RANBP17: variants seen among roughly 807,000 people sequenced by gnomAD.
RANBP17 encodes the protein ran-binding protein 17.
In RANBP17, 158 loss-of-function variants were observed where a neutral mutation model predicts 141.2. The observed-to-expected ratio is 1.12, with a 90% confidence interval of 0.98 to 1.28. RANBP17 has a LOEUF of 1.28. RANBP17 is among the 50% of genes most tolerant of loss of function. The probability of loss-of-function intolerance (pLI) is 0.00; values close to 1 mark genes in which losing one functional copy is unlikely to be tolerated. For synonymous variants in RANBP17, 430 were observed against 450.0 expected, an observed-to-expected ratio of 0.96 and a Z score of 0.56; for missense variants, 1,438 against 1,290.7, an observed-to-expected ratio of 1.11 and a Z score of -1.75.
rs116543794 is a variant in RANBP17 at position 171,129,748 on chromosome 5, A to G, written c.1711-40382A>G. ...ATCTAAGAAATCACAGTCACACCTT[A>G]CCATGCATAGTTATCATACTGACTT... On this transcript the variant is annotated intron_variant, in intron 14 of 27. Coordinates refer to ENST00000523189, the MANE Select transcript of RANBP17 (RefSeq NM_022897.5). 3.7e-3 allele frequency among the ~76,000 whole-genome samples: 561 copies of G among 152,300 alleles called. 3 individuals are homozygous for G. Among genetic ancestry groups the G allele is most frequent in the Non-Finnish European group, 6.0e-3 (410 of 68,020 alleles).
At chr5:171,015,210 T>C (rs1780345765) in intron 14 of RANBP17, among the ~76,000 whole-genome samples, 1 of 152,130 alleles carries the variant, frequency 6.6e-6, no homozygotes, top group African/African-American at 2.4e-5. Flanking sequence ...TTGTAAAATT[T>C]GGAAAACTTT....
intron 22 of RANBP17, among the ~76,000 whole-genome samples, chr5:171,228,614 A>G (rs1005362467): frequency 2.0e-5 from 3 of 152,242 alleles, no homozygotes; most frequent in Non-Finnish European, 4.4e-5. Context: ...AACAAACAGC[A>G]TTGTATGCTA....
intron 25 of RANBP17, among the ~76,000 whole-genome samples, chr5:171,273,670 C>G (rs1162660879): frequency 1.3e-5 from 2 of 152,018 alleles, no homozygotes; most frequent in Non-Finnish European, 2.9e-5. Flanking sequence ...CACTGTATGC[C>G]TGGATACCAG....
chr5:171,198,862 CT>C (rs1410271240), intron 18 of RANBP17, among the ~76,000 whole-genome samples: 1 of 152,176 alleles, frequency 6.6e-6, no homozygotes. Context: ...TAGAGTGCAG[CT>C]CGTAGCTCCC....
chr5:170,900,276 C>T (rs1002187048), intron 5 of RANBP17, among the ~76,000 whole-genome samples: 1 of 152,078 alleles, frequency 6.6e-6, no homozygotes, highest in Admixed American at 6.6e-5. Context: ...TCCATTTCTT[C>T]TAGATTTTCT....
At chr5:170,893,068 A>G in intron 4 of RANBP17, among the ~76,000 whole-genome samples, 1 of 152,154 alleles carries the variant, frequency 6.6e-6, no homozygotes, top group Non-Finnish European at 1.5e-5. Context: ...CAGTTTCTCA[A>G]GAATGTTTTC....
At chr5:171,060,966 T>C (rs2127671741) in intron 14 of RANBP17, among the ~76,000 whole-genome samples, 1 of 145,326 alleles carries the variant, frequency 6.9e-6, no homozygotes, top group South Asian at 2.3e-4. Context: ...TGTTTAGTAT[T>C]CTCTGATGGT....
intron 14 of RANBP17, among the ~76,000 whole-genome samples, chr5:171,046,895 A>G (rs1782622379): frequency 6.6e-6 from 1 of 151,434 alleles, no homozygotes; most frequent in Non-Finnish European, 1.5e-5. Flanking sequence ...TGAATATATT[A>G]TTTCTGTCCA....
At chr5:170,992,419 G>A (rs1778567812) in intron 14 of RANBP17, among the ~76,000 whole-genome samples, 1 of 151,934 alleles carries the variant, frequency 6.6e-6, no homozygotes, top group Non-Finnish European at 1.5e-5. Context: ...AAAATAATTT[G>A]AATAGGAAAG....
chr5:171,131,693 C>T (rs1322417136), intron 14 of RANBP17, among the ~76,000 whole-genome samples: 2 of 152,216 alleles, frequency 1.3e-5, no homozygotes, highest in Non-Finnish European at 2.9e-5. Context: ...TTTCTGACAG[C>T]TATAGTGCAG....
chr5:171,056,226 G>C (rs1032168695), intron 14 of RANBP17, among the ~76,000 whole-genome samples: 11 of 152,132 alleles, frequency 7.2e-5, no homozygotes, highest in Admixed American at 3.9e-4. Flanking sequence ...AGCTCTCCAT[G>C]AGTCCTGAAA....
intron 14 of RANBP17, among the ~76,000 whole-genome samples, chr5:171,110,849 C>G (rs77624164): frequency 1.5e-5 from 2 of 135,534 alleles, no homozygotes; most frequent in Non-Finnish European, 3.2e-5. Flanking sequence ...ATAAGAATGT[C>G]TTTTTTTTTT....
intron 14 of RANBP17, among the ~76,000 whole-genome samples, chr5:171,140,425 G>A (rs1320872661): frequency 6.6e-6 from 1 of 152,182 alleles, no homozygotes; most frequent in Admixed American, 6.5e-5. Context: ...GCTATACTGT[G>A]CTAAGTGATG....
At chr5:170,948,066 T>G (rs553689974) in intron 12 of RANBP17, among the ~76,000 whole-genome samples, 3 of 152,146 alleles carry the variant, frequency 2.0e-5, no homozygotes, top group Non-Finnish European at 4.4e-5. Flanking sequence ...TGATAGGATA[T>G]CTTGGTAAGG....
chr5:171,112,505 C>T (rs924461715), intron 14 of RANBP17, among the ~76,000 whole-genome samples: 1 of 151,666 alleles, frequency 6.6e-6, no homozygotes, highest in Non-Finnish European at 1.5e-5. Flanking sequence ...GTCATTGTCA[C>T]CACAGACAGA....
At chr5:171,041,180 A>G (rs1241591893) in intron 14 of RANBP17, among the ~76,000 whole-genome samples, 1 of 152,118 alleles carries the variant, frequency 6.6e-6, no homozygotes, top group East Asian at 1.9e-4. Flanking sequence ...AAAGTGAGTG[A>G]TGCAAGAGAG....
chr5:170,978,391 A>G (rs757067570), intron 14 of RANBP17, among the ~76,000 whole-genome samples: 14 of 152,294 alleles, frequency 9.2e-5, no homozygotes, highest in East Asian at 1.9e-4. Flanking sequence ...AATGCAGTGT[A>G]CAAGAATATT....
chr5:171,206,318 A>G (rs1173598421), intron 20 of RANBP17: 1 of 158,768 alleles, frequency 6.3e-6, no homozygotes, highest in Non-Finnish European at 1.4e-5. Context: ...AAACAGATAC[A>G]ATTCAGTATC....
At chr5:171,199,082 A>AT (rs1195514751) in intron 18 of RANBP17, among the ~76,000 whole-genome samples, 7 of 152,126 alleles carry the variant, frequency 4.6e-5, no homozygotes, top group Admixed American at 4.6e-4. Context: ...TTAAAAAAAA[A>AT]GAGAAAAAAA....
Sources: allele counts gnomAD v4.1 joint callset (sites outside exome capture counted in the v4.1 genomes callset), GRCh38; gene constraint gnomAD v4.1.1; transcripts MANE v1.5; gene names NCBI Gene and HGNC (gene_info 2026-07-23, HGNC 2026-07-21).